OSBPL11: variants seen among roughly 807,000 people sequenced by gnomAD.
The protein encoded by OSBPL11 is oxysterol binding protein like 11.
Under a neutral mutation model 84.4 loss-of-function variants are expected in OSBPL11, and 33 were observed. The ratio of observed to expected loss-of-function variants is 0.39; its 90% CI spans 0.30 to 0.52. OSBPL11 has a LOEUF of 0.52. Among genes scored for constraint, OSBPL11 ranks in the 20% least tolerant of loss-of-function variants. The pLI is 0.72. For missense variants in OSBPL11, 736 were observed against 901.1 expected, an observed-to-expected ratio of 0.82 and a Z score of 2.35; for synonymous variants, 276 against 310.2, an observed-to-expected ratio of 0.89 and a Z score of 1.16.
At chr3:125,563,647 TCAGTGATACC>T (rs1559842192) in intron 7 of OSBPL11, 41 bp downstream of exon 7, 1 of 1,594,198 alleles carries the variant, frequency 6.3e-7, no homozygotes, top group Admixed American at 1.7e-5. Context: ...TGACCCTTTT[TCAGTGATACC>T]TAATTTTTCA....
Position 125,560,496 on chromosome 3 carries a change from A to G in OSBPL11, c.1038T>C (p.Asp346=). ...GGTCACATGTATCCTCTATCTCATCATCTGCATTTATTTCTTCAGGCTCCT... is the reference window on the plus strand; with the variant it reads ...GGTCACATGTATCCTCTATCTCATCGTCTGCATTTATTTCTTCAGGCTCCT... ...LAREPEEINA[D]DEIEDTCDHK... The change falls in exon 8 of 13, where the codon GAT becomes GAC. Residue 346 remains aspartate, a synonymous_variant. Coordinates refer to ENST00000296220, the MANE Select transcript of OSBPL11 (RefSeq NM_022776.5). 6.3e-7 allele frequency: 1 copy of G among 1,583,856 alleles called. No individual in the cohort carries two copies.
At chr3:125,534,731 G>C (rs1935614432) in intron 11 of OSBPL11, among the ~76,000 whole-genome samples, 4 of 151,666 alleles carry the variant, frequency 2.6e-5, no homozygotes, top group Non-Finnish European at 5.9e-5. Context: ...CTAAACCAGG[G>C]ATCAAACTAT....
At chr3:125,593,822 G>A (rs1936638516) in intron 1 of OSBPL11, among the ~76,000 whole-genome samples, 1 of 152,080 alleles carries the variant, frequency 6.6e-6, no homozygotes, top group Non-Finnish European at 1.5e-5. Context: ...AGGCACATAG[G>A]AGTCAATCAA....
chr3:125,571,781 G>A (rs2018438573), intron 5 of OSBPL11, among the ~76,000 whole-genome samples: 1 of 152,232 alleles, frequency 6.6e-6, no homozygotes, highest in African/African-American at 2.4e-5. Flanking sequence ...ACACCTGGAT[G>A]CCCAGGCAGA....
intron 7 of OSBPL11, 53 bp downstream of exon 7, chr3:125,563,645 T>A: frequency 6.3e-7 from 1 of 1,591,976 alleles, no homozygotes; most frequent in Non-Finnish European, 8.6e-7. Context: ...ACTGACCCTT[T>A]TTCAGTGATA....
chr3:125,568,090 TG>T (rs1157028487), intron 5 of OSBPL11, among the ~76,000 whole-genome samples: 1 of 151,312 alleles, frequency 6.6e-6, no homozygotes. Flanking sequence ...GCTTATCAAT[TG>T]GGCAAAAGAT....
chr3:125,581,294 GT>G (rs1051760914), intron 2 of OSBPL11, among the ~76,000 whole-genome samples: 16 of 151,924 alleles, frequency 1.1e-4, no homozygotes, highest in African/African-American at 3.1e-4. Context: ...GTTTTGCCAT[GT>G]TGGCCAGACT....
chr3:125,555,737 T>C (rs1935982487), intron 8 of OSBPL11, among the ~76,000 whole-genome samples: 2 of 151,870 alleles, frequency 1.3e-5, no homozygotes, highest in Non-Finnish European at 2.9e-5. Flanking sequence ...CAGGCTGGAG[T>C]GCAGTGGCGT....
In OSBPL11 at chr3:125,530,225, C is replaced by T. The variant is rs780768599; in HGVS notation, c.*290G>A. 2.7e-4 allele frequency: 94 copies of T among 346,596 alleles called. No homozygotes were observed. The highest frequency in any genetic ancestry group is 4.3e-4 in the Non-Finnish European group (81 of 186,344). The allele number at this position is 346,596 out of a possible 1,614,324, so 21.5% of individuals were successfully genotyped here. On this transcript the variant is annotated 3_prime_UTR_variant, in exon 13 of 13. Transcript: ENST00000296220. The stretch of plus-strand genomic sequence containing the variant: ...CCTGTGCAAAAATAGGGGATTCAAA[C>T]TTAACTTTAGGAGCAAGAACTGGAT...
At chr3:125,562,265 A>C (rs2107600289) in intron 7 of OSBPL11, among the ~76,000 whole-genome samples, 1 of 152,326 alleles carries the variant, frequency 6.6e-6, no homozygotes, top group South Asian at 2.1e-4. Context: ...CTCCAAGCAG[A>C]TTATAAGTCT....
chr3:125,575,198 T>C (rs986532976), intron 5 of OSBPL11, among the ~76,000 whole-genome samples: 3 of 152,104 alleles, frequency 2.0e-5, no homozygotes, highest in African/African-American at 7.2e-5. Flanking sequence ...TCTATACATA[T>C]ATTTGGAACT....
chr3:125,567,747 T>A lies in OSBPL11; in HGVS notation c.667-152A>T. The A allele has an allele frequency of 6.1e-6, 4 of 654,100 alleles. No individual in the cohort carries two copies. The South Asian group carries it at 7.7e-5, about 13-fold the overall frequency. The allele number at this position is 654,100 out of a possible 1,614,324, so 40.5% of individuals were successfully genotyped here. Reference sequence around the variant, plus strand: ...GTGGCTCACACCTATAATCCCGGCATTTTGGGAGGCTGAGGTGGGAAGATA... The same window carrying A: ...GTGGCTCACACCTATAATCCCGGCAATTTGGGAGGCTGAGGTGGGAAGATA... On this transcript the variant is annotated intron_variant, in intron 5 of 12. Coordinates refer to ENST00000296220, the MANE Select transcript of OSBPL11 (RefSeq NM_022776.5).
intron 10 of OSBPL11, among the ~76,000 whole-genome samples, chr3:125,541,727 G>A (rs540416498): frequency 6.6e-6 from 1 of 152,256 alleles, no homozygotes; most frequent in African/African-American, 2.4e-5. Flanking sequence ...ACAGGCATGT[G>A]CCATCATGCT....
In OSBPL11 at chr3:125,570,682, G is replaced by C. The variant is rs1332342523; in HGVS notation, c.667-3087C>G. Among the ~76,000 whole-genome samples the C allele has an allele frequency of 2.0e-5, 3 of 152,240 alleles. No homozygotes were observed. In the East Asian group the frequency reaches 5.8e-4, roughly 29 times the overall value. On this transcript the variant is annotated intron_variant, in intron 5 of 12. Transcript: ENST00000296220. The stretch of plus-strand genomic sequence containing the variant: ...ATGAGATCTGATGGTTTTATAAAGA[G>C]GAGCTCCCCTGCACAAGTTCTCTCT...
intron 5 of OSBPL11, among the ~76,000 whole-genome samples, chr3:125,571,768 G>A (rs926676248): frequency 6.6e-6 from 1 of 152,216 alleles, no homozygotes; most frequent in African/African-American, 2.4e-5. Context: ...AGAATGTAAG[G>A]AAACACCTGG....
intron 5 of OSBPL11, among the ~76,000 whole-genome samples, chr3:125,571,140 C>T (rs1936236895): frequency 6.6e-6 from 1 of 152,176 alleles, no homozygotes; most frequent in Non-Finnish European, 1.5e-5. Flanking sequence ...GCAAAGGTGA[C>T]TCTTGTTAGG....
chr3:125,580,549 A>G (rs1449516221), intron 2 of OSBPL11, among the ~76,000 whole-genome samples: 2 of 147,986 alleles, frequency 1.4e-5, no homozygotes, highest in African/African-American at 5.0e-5. Flanking sequence ...AAATTGAATG[A>G]GTTTAATAAA....
At chr3:125,549,187 ACTTT>A (rs1200293981) in intron 9 of OSBPL11, among the ~76,000 whole-genome samples, 2 of 151,944 alleles carry the variant, frequency 1.3e-5, no homozygotes, top group African/African-American at 2.4e-5. Context: ...ATGCCTGGCT[ACTTT>A]CTTTGTATTT....
chr3:125,590,806 G>C (rs977664679), intron 1 of OSBPL11, among the ~76,000 whole-genome samples: 1 of 152,118 alleles, frequency 6.6e-6, no homozygotes, highest in Admixed American at 6.6e-5. Flanking sequence ...TACCAAACTA[G>C]TTATTATCAA....
Sources: allele counts gnomAD v4.1 joint callset (sites outside exome capture counted in the v4.1 genomes callset), GRCh38; gene constraint gnomAD v4.1.1; transcripts MANE v1.5; gene names NCBI Gene and HGNC (gene_info 2026-07-23, HGNC 2026-07-21).